NINL: variants seen among roughly 807,000 people sequenced by gnomAD.
NINL encodes the protein ninein-like protein.
In NINL, 153 loss-of-function variants were observed where a neutral mutation model predicts 160.3. That is an observed-to-expected ratio of 0.95 (90% CI 0.84 to 1.09). The LOEUF is 1.09. Among genes scored for constraint, NINL ranks in the 50% least tolerant of loss-of-function variants. The pLI is 0.00. For synonymous variants in NINL, 800 were observed against 734.8 expected (o/e 1.09, Z -1.43); for missense variants, 1,829 against 1,764.0 (o/e 1.04, Z -0.66).
chr20:25,506,926 C>T (rs2063973339), intron 5 of NINL, among the ~76,000 whole-genome samples: 1 of 152,170 alleles, frequency 6.6e-6, no homozygotes, highest in South Asian at 2.1e-4. Context: ...CACCGCAATG[C>T]CACTATCATA....
intron 1 of NINL, among the ~76,000 whole-genome samples, chr20:25,552,626 C>T (rs537591944): frequency 9.8e-5 from 15 of 152,294 alleles, no homozygotes; most frequent in African/African-American, 3.1e-4. Context: ...CACAAGCCTC[C>T]AGCATTTGGT....
Position 25,526,572 on chromosome 20 carries a change from T to C in NINL, c.16A>G (p.Asn6Asp), listed in dbSNP as rs147665467. Residue 6 changes from asparagine to aspartate, a missense_variant, in exon 2 of 24, where the codon AAC (asparagine) becomes GAC (aspartate). Coordinates refer to ENST00000278886, the MANE Select transcript of NINL (RefSeq NM_025176.6). Reference sequence around the variant, plus strand: ...TCCCTGAGCTGCGAGACATAGTGGTTCTCTTCTTCATCCATCCCATAGCAG... The same window carrying C: ...TCCCTGAGCTGCGAGACATAGTGGTCCTCTTCTTCATCCATCCCATAGCAG... Reference protein sequence around the residue: MDEEENHYVSQLREVY... With the variant: MDEEEDHYVSQLREVY... The C allele has an allele frequency of 3.3e-4, 530 of 1,613,880 alleles. No individual in the cohort carries two copies. Among genetic ancestry groups the C allele is most frequent in the Non-Finnish European group, 4.1e-4 (483 of 1,179,896 alleles).
intron 7 of NINL, among the ~76,000 whole-genome samples, chr20:25,502,825 G>A (rs1434363187): frequency 6.6e-6 from 1 of 152,132 alleles, no homozygotes; most frequent in African/African-American, 2.4e-5. Flanking sequence ...GCTTCCTGAG[G>A]CCTCCCCAGA....
At chr20:25,497,581 T>G (rs1009188558) in intron 9 of NINL, among the ~76,000 whole-genome samples, 1 of 152,272 alleles carries the variant, frequency 6.6e-6, no homozygotes. Context: ...ACAATCTTTT[T>G]GCAAATCTGC....
intron 13 of NINL, chr20:25,488,971 G>T (rs938620069): frequency 4.3e-6 from 2 of 466,238 alleles, no homozygotes; most frequent in East Asian, 7.0e-5. Flanking sequence ...AGACGGACAC[G>T]CATGGCAGGT....
In NINL at chr20:25,524,634, T is replaced by G. The variant is rs182221843; in HGVS notation, c.180+1774A>C. Reference sequence around the variant, plus strand: ...TGTGACAGGGTTCCAGTCAGAAATCTCATGTAACCCAAGCGAATTTCTCTC... The same window carrying G: ...TGTGACAGGGTTCCAGTCAGAAATCGCATGTAACCCAAGCGAATTTCTCTC... On this transcript the variant is annotated intron_variant, in intron 2 of 23. Transcript: ENST00000278886. 3.3e-5 allele frequency among the ~76,000 whole-genome samples: 5 copies of G among 152,328 alleles called. No homozygotes were observed. In the East Asian group the frequency reaches 7.7e-4, roughly 23 times the overall value.
At chr20:25,469,920 G>C in intron 18 of NINL, 71 bp downstream of exon 18, 1 of 986,544 alleles carries the variant, frequency 1.0e-6, no homozygotes, top group Non-Finnish European at 1.6e-6. Flanking sequence ...TCTATATGGA[G>C]ACTGCATAAG....
At chr20:25,575,064 CT>C (rs764233038) in intron 1 of NINL, among the ~76,000 whole-genome samples, 1 of 152,002 alleles carries the variant, frequency 6.6e-6, no homozygotes, top group Non-Finnish European at 1.5e-5. Flanking sequence ...ATATAGTAAA[CT>C]TTTTATTGGT....
rs764614283 is a variant in NINL, at chr20:25,462,384, T to G, written c.3581A>C (p.Gln1194Pro). The G allele has an allele frequency of 1.3e-6, 2 of 1,556,688 alleles. No individual in the cohort carries two copies. The highest frequency in any genetic ancestry group is 2.4e-5 in the East Asian group (1 of 42,354). Residue 1194 changes from glutamine to proline, a missense_variant and splice_region_variant, in exon 20 of 24, where the codon CAG becomes CCG. Gln to Pro is a moderately conservative substitution (Grantham distance 76). Transcript: ENST00000278886. ...LEEVVRSGQQ[Q>P]SDQIQKLRVE... is the part of the protein sequence containing the mutation. ...CTCCCTGCGGCTGAGGCCACCCACC[T>G]GCTGCTGCCCACTGCGAACCACCTC...
chr20:25,477,906 G>A (rs1377760965), intron 16 of NINL, among the ~76,000 whole-genome samples: 1 of 151,696 alleles, frequency 6.6e-6, no homozygotes, highest in Non-Finnish European at 1.5e-5. Context: ...AGCCTGGGGA[G>A]GCACAGGATG....
chr20:25,461,530 G>C lies in NINL; in HGVS notation c.3688C>G (p.Gln1230Glu). ...SELTQTLEES[Q>E]DQVQGAHLRL... ...CCATCGCTCACACCCACCTGGTCTT[G>C]ACTTTCCTCAAGGGTCTGGGTCAGC... Residue 1230 changes from glutamine (Q) to glutamate (E), a missense_variant, in exon 21 of 24, where the codon CAA (glutamine) becomes GAA (glutamate). Gln to Glu is a conservative substitution (Grantham distance 29). Transcript: ENST00000278886. 6.4e-7 allele frequency: 1 copy of C among 1,566,464 alleles called. No homozygotes were observed.
chr20:25,487,538 C>T (rs1445034402), intron 13 of NINL, among the ~76,000 whole-genome samples: 1 of 152,172 alleles, frequency 6.6e-6, no homozygotes, highest in African/African-American at 2.4e-5. Context: ...CTTGTTTGGA[C>T]CTAACCCTCT....
chr20:25,547,304 T>A lies in NINL; in HGVS notation c.-11-20706A>T, dbSNP rs1017046656. The stretch of plus-strand genomic sequence containing the variant: ...CAGCTAAACCCCATCCACCTCTTCA[T>A]CTGCTGTTCATCCACATTCTTGGTC... On this transcript the variant is annotated intron_variant, in intron 1 of 23. Transcript: ENST00000278886. Among the ~76,000 whole-genome samples the A allele has an allele frequency of 5.9e-5, 9 of 152,290 alleles. No homozygotes were observed. In the South Asian group the frequency reaches 1.7e-3, roughly 28 times the overall value.
intron 1 of NINL, among the ~76,000 whole-genome samples, chr20:25,555,118 T>A (rs533831450): frequency 6.6e-6 from 1 of 152,282 alleles, no homozygotes; most frequent in East Asian, 1.9e-4. Flanking sequence ...TCCAGTTCAC[T>A]CCTGTTCCTA....
At chr20:25,522,944 C>T (rs1022596148) in intron 2 of NINL, among the ~76,000 whole-genome samples, 1 of 152,180 alleles carries the variant, frequency 6.6e-6, no homozygotes. Flanking sequence ...CTTCAAATTA[C>T]AATTGTCTCT....
In NINL at chr20:25,476,978, G is replaced by C; in HGVS notation, c.2313C>G (p.Arg771=). ...LEEPPQGPLP[R]GSQRSEQLEL... ...CCAGCTGCTCCGACCTCTGGCTCCC[G>C]CGTGGCAGGGGTCCCTGCGGCGGCT... is the stretch of plus-strand genomic sequence containing the variant. The change falls in exon 17 of 24, where the codon CGC becomes CGG. Residue 771 remains arginine, a synonymous_variant. Transcript: ENST00000278886. The C allele has an allele frequency of 6.2e-7, 1 of 1,606,044 alleles. No homozygotes were observed. The highest frequency in any genetic ancestry group is 8.5e-7 in the Non-Finnish European group (1 of 1,179,772).
chr20:25,542,301 G>A (rs2064675226), intron 1 of NINL, among the ~76,000 whole-genome samples: 1 of 152,126 alleles, frequency 6.6e-6, no homozygotes, highest in African/African-American at 2.4e-5. Context: ...TCAGGTCACT[G>A]GCTGACTGTG....
intron 5 of NINL, 21 bp from the exon 6 acceptor site, chr20:25,505,099 C>A (rs1481012240): frequency 1.9e-5 from 29 of 1,546,634 alleles, no homozygotes; most frequent in Non-Finnish European, 2.4e-5. Flanking sequence ...GGAGGAGTCA[C>A]AGTTACACCC....
intron 1 of NINL, among the ~76,000 whole-genome samples, chr20:25,578,546 C>G (rs1476593853): frequency 1.3e-5 from 2 of 152,000 alleles, no homozygotes; most frequent in African/African-American, 2.4e-5. Flanking sequence ...GTAATCCCAG[C>G]ACTTTGGGAG....
Sources: gnomAD v4.1 joint callset for allele counts (sites outside exome capture counted in the v4.1 genomes callset) on GRCh38, gnomAD v4.1.1 for gene constraint, MANE v1.5 for transcripts, NCBI Gene and HGNC (gene_info 2026-07-23, HGNC 2026-07-21) for gene names.